Variants in FNTB observed in about 807,000 individuals in gnomAD.
The protein encoded by FNTB is protein farnesyltransferase subunit beta.
A neutral mutation model predicts 59.4 loss-of-function variants in FNTB; 27 were observed. The observed-to-expected ratio is 0.45, with a 90% CI of 0.34 to 0.63. The LOEUF is 0.63. Among genes scored for constraint, FNTB ranks in the 20% least tolerant of loss-of-function variants. The pLI, the probability that FNTB is intolerant of heterozygous loss-of-function variation, is 0.02. For synonymous variants in FNTB, 230 were observed against 220.7 expected (o/e 1.04, Z -0.37); for missense variants, 449 against 559.6 (o/e 0.80, Z 1.99).
intron 2 of FNTB, among the ~76,000 whole-genome samples, chr14:65,006,989 A>T (rs1486539244): frequency 6.6e-6 from 1 of 152,178 alleles, no homozygotes; most frequent in African/African-American, 2.4e-5. Context: ...GTGGAAATAG[A>T]ATATATCAGG....
At position 65,054,095 on chromosome 14, in the gene FNTB, G is replaced by A. The variant is rs1291929553; in HGVS notation, c.1068-480G>A. Among the ~76,000 whole-genome samples the A allele has an allele frequency of 6.6e-6, 1 of 152,050 alleles. No homozygotes were observed. The highest frequency in any genetic ancestry group is 2.4e-5 in the African/African-American group (1 of 41,440). On this transcript the variant is annotated intron_variant, in intron 10 of 11. Coordinates refer to ENST00000246166, the MANE Select transcript of FNTB (RefSeq NM_002028.4). The surrounding 1 kb of genome is among the most constrained non-coding windows in gnomAD (Gnocchi z 4.4). The stretch of plus-strand genomic sequence containing the variant: ...GTTCCCACTGCTGGGCAGGGCTGGA[G>A]GATGGGGCTTTTATTTTATTGTATT...
At position 65,030,029 on chromosome 14, in the gene FNTB, A is replaced by G. The variant is rs1894074631; in HGVS notation, c.605+2248A>G. Among the ~76,000 whole-genome samples, 1 of 152,102 alleles carries G rather than the reference A, an allele frequency of 6.6e-6. No homozygotes were observed. Among genetic ancestry groups the G allele is most frequent in the South Asian group, 2.1e-4 (1 of 4,816 alleles). On this transcript the variant is annotated intron_variant, in intron 6 of 11. Transcript: ENST00000246166. This position sits in a 1 kb window ranked among gnomAD's most constrained non-coding sequence, Gnocchi z 4.5. ...TGGGTGGAGGGAAAGGGGGAGAAAT[A>G]CATGAAAAGGTTGTATTACGTTTCC...
At chr14:65,006,423 A>C in intron 2 of FNTB, 1 of 1,349,934 alleles carries the variant, frequency 7.4e-7, no homozygotes, top group Non-Finnish European at 1.0e-6. Context: ...ACAGCTAGAG[A>C]TTAGCAAATG....
intron 1 of FNTB, 81 bp downstream of exon 1, chr14:64,987,178 G>C: frequency 1.3e-6 from 2 of 1,517,766 alleles, no homozygotes; most frequent in Non-Finnish European, 9.0e-7. Context: ...GCCCGGGTGC[G>C]GAACTCACCG....
intron 3 of FNTB, among the ~76,000 whole-genome samples, chr14:65,013,737 AG>A (rs2061722043): frequency 6.6e-6 from 1 of 152,108 alleles, no homozygotes; most frequent in Non-Finnish European, 1.5e-5. Flanking sequence ...TAGTAGAGAC[AG>A]GGTTTCACCA....
intron 9 of FNTB, among the ~76,000 whole-genome samples, chr14:65,046,337 A>C (rs1368418731): frequency 6.6e-6 from 1 of 152,212 alleles, no homozygotes; most frequent in Non-Finnish European, 1.5e-5. Context: ...GGAACTGGTG[A>C]GGTCAAGCCC....
chr14:65,055,858 GA>G (rs1284145438), intron 11 of FNTB, among the ~76,000 whole-genome samples: 1 of 152,134 alleles, frequency 6.6e-6, no homozygotes, highest in Non-Finnish European at 1.5e-5. Flanking sequence ...TCAAATGGAA[GA>G]AACACAAATG....
chr14:65,006,218 A>G (rs763738013), intron 2 of FNTB: 1 of 1,613,354 alleles, frequency 6.2e-7, no homozygotes, highest in Non-Finnish European at 8.5e-7. Flanking sequence ...CCATGGCAGA[A>G]AACAGTTGGA....
chr14:65,006,063 T>G, intron 2 of FNTB: 1 of 1,434,654 alleles, frequency 7.0e-7, no homozygotes, highest in Non-Finnish European at 9.5e-7. Flanking sequence ...CTTGAGATCT[T>G]CTAACAGACT....
chr14:65,013,295 G>A (rs1383080401), intron 3 of FNTB, among the ~76,000 whole-genome samples: 1 of 151,014 alleles, frequency 6.6e-6, no homozygotes, highest in Non-Finnish European at 1.5e-5. Context: ...TGGGAATGCA[G>A]ACCCAGGGTT....
chr14:65,002,123 A>C (rs138521408), intron 1 of FNTB, among the ~76,000 whole-genome samples: 227 of 152,300 alleles, frequency 1.5e-3, no homozygotes, highest in African/African-American at 5.2e-3. Flanking sequence ...GAAGTTTCCC[A>C]GGGAGATTTT....
Position 64,997,479 on chromosome 14 carries a change from A to G in FNTB, c.145-6770A>G, listed in dbSNP as rs1480776681. 1.3e-5 allele frequency among the ~76,000 whole-genome samples: 2 copies of G among 152,226 alleles called. No individual in the cohort carries two copies. Among genetic ancestry groups the G allele is most frequent in the Non-Finnish European group, 2.9e-5 (2 of 68,050 alleles). On this transcript the variant is annotated intron_variant, in intron 1 of 11. Transcript: ENST00000246166. The surrounding 1 kb of genome is among the most constrained non-coding windows in gnomAD (Gnocchi z 4.5). ...AACCTTTGGGAAAATTGATTTGAGT[A>G]ATAACTCTGTCTCCAGTGTGGTGTT... is the stretch of plus-strand genomic sequence containing the variant.
intron 7 of FNTB, 41 bp from the exon 8 acceptor site, chr14:65,040,749 C>T (rs2062333776): frequency 6.2e-7 from 1 of 1,601,014 alleles, no homozygotes; most frequent in African/African-American, 1.3e-5. Context: ...TGTACGTCCA[C>T]TCACTGGCCA....
In FNTB at chr14:65,028,713, C is replaced by T. The variant is rs377193063; in HGVS notation, c.605+932C>T. 6.6e-6 allele frequency among the ~76,000 whole-genome samples: 1 copy of T among 152,098 alleles called. No individual in the cohort carries two copies. The highest frequency in any genetic ancestry group is 2.4e-5 in the African/African-American group (1 of 41,410). On this transcript the variant is annotated intron_variant, in intron 6 of 11. Transcript: ENST00000246166. This position sits in a 1 kb window ranked among gnomAD's most constrained non-coding sequence, Gnocchi z 4.4. The stretch of plus-strand genomic sequence containing the variant: ...CTATCTCTAACTTGTCTAATCCAAC[C>T]AAAAAAATTAGATTAGGATCTGTGT...
intron 4 of FNTB, among the ~76,000 whole-genome samples, chr14:65,020,899 T>C (rs1372377080): frequency 6.6e-6 from 1 of 151,904 alleles, no homozygotes; most frequent in Non-Finnish European, 1.5e-5. Flanking sequence ...GCCCAGCTAA[T>C]TTTTGTATTT....
chr14:64,991,974 C>G lies in FNTB; in HGVS notation c.144+4877C>G, dbSNP rs1888217918. 6.6e-6 allele frequency among the ~76,000 whole-genome samples: 1 copy of G among 152,098 alleles called. No homozygotes were observed. Among genetic ancestry groups the G allele is most frequent in the African/African-American group, 2.4e-5 (1 of 41,386 alleles). On this transcript the variant is annotated intron_variant, in intron 1 of 11. Transcript: ENST00000246166. The surrounding 1 kb of genome is among the most constrained non-coding windows in gnomAD (Gnocchi z 4.4). ...GTTCGGGCAGTGGGCCACCACATATCCTAAGGAGGGACCAGCGGAACAGAA... is the reference window on the plus strand; with the variant it reads ...GTTCGGGCAGTGGGCCACCACATATGCTAAGGAGGGACCAGCGGAACAGAA...
chr14:65,018,979 G>T lies in FNTB; in HGVS notation c.374+3263G>T, dbSNP rs536428022. Among the ~76,000 whole-genome samples, 6 of 151,970 alleles carry T rather than the reference G, an allele frequency of 3.9e-5. No homozygotes were observed. The South Asian group carries it at 1.2e-3, about 32-fold the overall frequency. The stretch of plus-strand genomic sequence containing the variant: ...TACAAAATTAGCCAAGCGTGGTGGC[G>T]CATGCCTGTAATCCTACTCAGGAGG... On this transcript the variant is annotated intron_variant, in intron 4 of 11. Coordinates refer to ENST00000246166, the MANE Select transcript of FNTB (RefSeq NM_002028.4).
At position 65,029,135 on chromosome 14, in the gene FNTB, T is replaced by C. The variant is rs1007508972; in HGVS notation, c.605+1354T>C. ...CATATTCTTCCCTGACCTTTGCTCT[T>C]TGGGTGATGCTCTGCCATTCGTGCC... On this transcript the variant is annotated intron_variant, in intron 6 of 11. Coordinates refer to ENST00000246166, the MANE Select transcript of FNTB (RefSeq NM_002028.4). The surrounding 1 kb of genome is among the most constrained non-coding windows in gnomAD (Gnocchi z 4.7). Among the ~76,000 whole-genome samples, 3 of 152,240 alleles carry C rather than the reference T, an allele frequency of 2.0e-5. No individual in the cohort carries two copies. Among genetic ancestry groups the C allele is most frequent in the African/African-American group, 7.2e-5 (3 of 41,458 alleles).
Position 64,987,027 on chromosome 14 carries a change from G to A in FNTB, c.74G>A (p.Ser25Asn). 6.2e-7 allele frequency: 1 copy of A among 1,614,222 alleles called. No homozygotes were observed. Among genetic ancestry groups the A allele is most frequent in the Non-Finnish European group, 8.5e-7 (1 of 1,180,044 alleles). The change falls in exon 1 of 12, where the codon AGT (serine) becomes AAT (asparagine). Residue 25 changes from serine (S) to asparagine (N), a missense_variant. Ser to Asn is a conservative substitution (Grantham distance 46). This residue lies in a region of FNTB where 112 missense variants were observed against 80.5 expected (regional missense o/e 1.39). Coordinates refer to ENST00000246166, the MANE Select transcript of FNTB (RefSeq NM_002028.4). The stretch of plus-strand genomic sequence containing the variant: ...CCCGTCTGGTCAGAGCCGCTGTACA[G>A]TCTGAGGCCCGAGCACGCGCGAGAG... ...SSPVWSEPLY[S>N]LRPEHARERL... is the part of the protein sequence containing the mutation.
Sources: allele counts gnomAD v4.1 joint callset (sites outside exome capture counted in the v4.1 genomes callset), GRCh38; gene constraint gnomAD v4.1.1; regional missense constraint gnomAD v4.1.1; non-coding constraint Gnocchi (gnomAD v3.1); transcripts MANE v1.5; gene names NCBI Gene and HGNC (gene_info 2026-07-23, HGNC 2026-07-21).